The following ATP8A1 variants were observed in gnomAD, a reference collection of about 807,000 sequenced individuals.
ATP8A1 encodes the protein phospholipid-transporting ATPase IA.
ATP8A1 carries 90 observed loss-of-function variants against 177.7 expected under a neutral mutation model. That is an observed-to-expected ratio of 0.51 (90% CI 0.43 to 0.60). ATP8A1 has a LOEUF of 0.60. Ranked by LOEUF, ATP8A1 falls within the 20% of genes least tolerant of loss-of-function variation. ATP8A1 has a pLI of 0.00. For missense variants in ATP8A1, 1,072 were observed against 1,392.8 expected, an observed-to-expected ratio of 0.77 and a Z score of 3.67; for synonymous variants, 493 against 485.9, an observed-to-expected ratio of 1.01 and a Z score of -0.19.
chr4:42,653,294 C>CCACAG, intron 1 of ATP8A1, among the ~76,000 whole-genome samples: 1 of 151,762 alleles, frequency 6.6e-6, no homozygotes, highest in East Asian at 1.9e-4. Flanking sequence ...TTCATTTTCC[C>CCACAG]CATTTGCCAC....
At chr4:42,472,147 A>G (rs1720494489) in intron 25 of ATP8A1, 4 of 641,238 alleles carry the variant, frequency 6.2e-6, no homozygotes, top group Admixed American at 1.9e-5. Context: ...ACAAAAAATA[A>G]GCAAAAACAT....
intron 33 of ATP8A1, among the ~76,000 whole-genome samples, chr4:42,440,397 C>A: frequency 7.0e-6 from 1 of 143,590 alleles, no homozygotes. Flanking sequence ...TTATGGGAAA[C>A]ACAACTGAAA....
intron 33 of ATP8A1, among the ~76,000 whole-genome samples, chr4:42,427,030 A>G (rs1431052065): frequency 1.3e-5 from 2 of 152,232 alleles, no homozygotes; most frequent in African/African-American, 2.4e-5. Flanking sequence ...AGAGAAATGA[A>G]TAACTTCCAG....
chr4:42,425,569 GGA>G (rs1714508506), intron 33 of ATP8A1, among the ~76,000 whole-genome samples: 1 of 151,964 alleles, frequency 6.6e-6, no homozygotes, highest in Non-Finnish European at 1.5e-5. Flanking sequence ...GAAGAGGGGG[GGA>G]AAAATAAAAT....
intron 1 of ATP8A1, among the ~76,000 whole-genome samples, chr4:42,639,829 T>C (rs1739783209): frequency 6.6e-6 from 1 of 152,214 alleles, no homozygotes; most frequent in Non-Finnish European, 1.5e-5. Context: ...AATCTGCAGA[T>C]GCTCAATTAC....
chr4:42,555,126 T>TAACTA (rs754148337), intron 16 of ATP8A1, among the ~76,000 whole-genome samples: 2 of 79,892 alleles, frequency 2.5e-5, no homozygotes, highest in African/African-American at 1.1e-4. Flanking sequence ...TCTATCTATC[T>TAACTA]ATCTATCTAT....
chr4:42,642,750 C>T (rs548449796), intron 1 of ATP8A1, among the ~76,000 whole-genome samples: 134 of 152,236 alleles, frequency 8.8e-4, no homozygotes, highest in African/African-American at 3.1e-3. Context: ...AACATTTTAC[C>T]TCAAGATGCT....
At chr4:42,511,497 G>C (rs1404991136) in intron 22 of ATP8A1, among the ~76,000 whole-genome samples, 1 of 152,068 alleles carries the variant, frequency 6.6e-6, no homozygotes, top group East Asian at 1.9e-4. Flanking sequence ...ATAAAGGCTT[G>C]AGGTTGATGA....
intron 1 of ATP8A1, among the ~76,000 whole-genome samples, chr4:42,645,620 A>G (rs73810773): frequency 6.6e-6 from 1 of 152,338 alleles, no homozygotes; most frequent in African/African-American, 2.4e-5. Flanking sequence ...GCCAGGGTTG[A>G]GCATCACACG....
intron 33 of ATP8A1, among the ~76,000 whole-genome samples, chr4:42,442,673 C>A (rs1370938442): frequency 6.6e-6 from 1 of 152,120 alleles, no homozygotes. Flanking sequence ...AGGATGCTGT[C>A]AGATAAAATT....
chr4:42,556,518 GATTAT>G lies in ATP8A1; in HGVS notation c.1341-483_1341-479del, dbSNP rs1205071296. ...TAAGAACATGAATAAACCATTTACA[GATTAT>G]ATCAACATCTATCATTAATATCTGA... is the stretch of plus-strand genomic sequence containing the variant. On this transcript the variant is annotated intron_variant, in intron 15 of 36. Coordinates refer to ENST00000381668, the MANE Select transcript of ATP8A1 (RefSeq NM_006095.2). Among the ~76,000 whole-genome samples, 5 of 152,076 alleles carry G rather than the reference GATTAT, an allele frequency of 3.3e-5. No individual in the cohort carries two copies. The South Asian group carries it at 8.3e-4, about 25-fold the overall frequency.
intron 1 of ATP8A1, among the ~76,000 whole-genome samples, chr4:42,638,561 G>A (rs945430068): frequency 2.0e-5 from 3 of 152,086 alleles, no homozygotes; most frequent in Non-Finnish European, 2.9e-5. Context: ...AGTCATCTTC[G>A]GCATGCTGAA....
At chr4:42,520,067 C>CT (rs1020292114) in intron 22 of ATP8A1, among the ~76,000 whole-genome samples, 6 of 152,034 alleles carry the variant, frequency 3.9e-5, no homozygotes, top group African/African-American at 9.7e-5. Context: ...GGTTGCAAGG[C>CT]TTTTAATCAG....
chr4:42,482,544 A>C (rs1721798007), intron 25 of ATP8A1, among the ~76,000 whole-genome samples: 1 of 146,574 alleles, frequency 6.8e-6, no homozygotes, highest in Non-Finnish European at 1.5e-5. Context: ...TTCAGAAAAC[A>C]GTGGTGAGAG....
At chr4:42,544,210 T>C (rs1274085801) in intron 19 of ATP8A1, among the ~76,000 whole-genome samples, 2 of 152,278 alleles carry the variant, frequency 1.3e-5, no homozygotes, top group East Asian at 1.9e-4. Context: ...ACTCTTCTAG[T>C]GGAATAGTTG....
chr4:42,516,496 G>A (rs1280897589), intron 22 of ATP8A1, among the ~76,000 whole-genome samples: 7 of 152,128 alleles, frequency 4.6e-5, no homozygotes, highest in African/African-American at 1.7e-4. Flanking sequence ...AATCTAGGCA[G>A]GTATTATAGC....
intron 32 of ATP8A1, among the ~76,000 whole-genome samples, chr4:42,443,878 T>C (rs1348608599): frequency 1.3e-5 from 2 of 152,230 alleles, no homozygotes; most frequent in Non-Finnish European, 2.9e-5. Flanking sequence ...TTTGTGGTAC[T>C]GGAATTTCGA....
intron 14 of ATP8A1, among the ~76,000 whole-genome samples, chr4:42,571,993 T>C (rs570780294): frequency 6.6e-6 from 1 of 152,322 alleles, no homozygotes; most frequent in East Asian, 1.9e-4. Context: ...ATCAGGAAAC[T>C]TCAAGCCTTA....
chr4:42,511,411 C>G (rs1724993249), intron 22 of ATP8A1, among the ~76,000 whole-genome samples: 1 of 152,018 alleles, frequency 6.6e-6, no homozygotes, highest in Non-Finnish European at 1.5e-5. Context: ...CGATAAAATT[C>G]CCATGGCATT....
Sources: allele counts gnomAD v4.1 joint callset (sites outside exome capture counted in the v4.1 genomes callset), GRCh38; gene constraint gnomAD v4.1.1; transcripts MANE v1.5; gene names NCBI Gene and HGNC (gene_info 2026-07-23, HGNC 2026-07-21).